Variants in ZIM2 observed in about 807,000 individuals in gnomAD.
ZIM2 encodes zinc finger protein 656.
Under a neutral mutation model 38.6 loss-of-function variants are expected in ZIM2, and 14 were observed. The ratio of observed to expected loss-of-function variants is 0.36; its 90% CI spans 0.24 to 0.57. ZIM2 has a LOEUF of 0.57. ZIM2 is among the 20% of genes least tolerant of loss of function. The pLI, the probability that ZIM2 is intolerant of heterozygous loss-of-function variation, is 0.81. For missense variants in ZIM2, 680 were observed against 695.1 expected, an observed-to-expected ratio of 0.98 and a Z score of 0.24; for synonymous variants, 247 against 245.8, an observed-to-expected ratio of 1.00 and a Z score of -0.04.
At chr19:56,821,486 G>A (rs750130978) in intron 7 of ZIM2, among the ~76,000 whole-genome samples, 165 bp downstream of exon 7, 46 of 152,296 alleles carry the variant, frequency 3.0e-4, no homozygotes, top group Middle Eastern at 3.4e-3. Context: ...AGCAACCTGG[G>A]CTACTTGTCA....
Position 56,774,914 on chromosome 19 carries a change from C to T in ZIM2, c.1451G>A (p.Arg484His), listed in dbSNP as rs186729168. ...GLSHSKTYLIRYQRKHDYVGE... is the reference protein window; with the variant it reads ...GLSHSKTYLIHYQRKHDYVGE... ...AACGTAGTCATGTTTCCGCTGATAA[C>T]GAATTAAGTATGTCTTGCTGTGGGA... Residue 484 changes from arginine to histidine, a missense_variant, in exon 13 of 13, where the codon CGT (arginine) becomes CAT (histidine). Transcript: ENST00000629319. 9.3e-6 allele frequency: 15 copies of T among 1,614,114 alleles called. No homozygotes were observed. The highest frequency in any genetic ancestry group is 8.9e-5 in the East Asian group (4 of 44,876).
intron 11 of ZIM2, among the ~76,000 whole-genome samples, chr19:56,781,272 A>T (rs960268402): frequency 2.0e-5 from 3 of 151,948 alleles, no homozygotes; most frequent in Non-Finnish European, 4.4e-5. Context: ...TTTTCAGGAG[A>T]CCTCAAGCCC....
chr19:56,814,212 C>T lies in ZIM2; in HGVS notation c.490+3534G>A, dbSNP rs749490635. The stretch of plus-strand genomic sequence containing the variant: ...TTGGCTCAGCAGCCTCCACTTCTGG[C>T]TCAGCAGCCTCCACTTCTGGCTCGG... On this transcript the variant is annotated intron_variant, in intron 9 of 12. Coordinates refer to ENST00000629319, the MANE Select transcript of ZIM2 (RefSeq NM_001387356.1). The surrounding 1 kb of genome is among the most constrained non-coding windows in gnomAD (Gnocchi z 5.8). The T allele has an allele frequency of 3.1e-5, 50 of 1,613,614 alleles. 1 individual carries two copies. Among genetic ancestry groups the T allele is most frequent in the South Asian group, 9.9e-5 (9 of 91,064 alleles).
chr19:56,781,759 T>G (rs189691315), intron 11 of ZIM2, among the ~76,000 whole-genome samples, 194 bp downstream of exon 11: 1 of 152,184 alleles, frequency 6.6e-6, no homozygotes, highest in Non-Finnish European at 1.5e-5. Flanking sequence ...CTGACACATA[T>G]GTCGTGCTCA....
At chr19:56,818,922 T>C (rs1166704223) in intron 7 of ZIM2, among the ~76,000 whole-genome samples, 1 of 152,238 alleles carries the variant, frequency 6.6e-6, no homozygotes, top group Non-Finnish European at 1.5e-5. Flanking sequence ...ATGACACATA[T>C]TCCTTGCCCT....
intron 9 of ZIM2, among the ~76,000 whole-genome samples, chr19:56,796,501 G>T (rs1277222700): frequency 2.6e-5 from 4 of 152,176 alleles, no homozygotes; most frequent in Non-Finnish European, 4.4e-5. Flanking sequence ...ACTGCTGCAG[G>T]TTGGCTCCAC....
intron 9 of ZIM2, among the ~76,000 whole-genome samples, chr19:56,805,903 T>C (rs1196867664): frequency 6.6e-6 from 1 of 152,342 alleles, no homozygotes; most frequent in South Asian, 2.1e-4. Context: ...AATTGGAATA[T>C]TGACAGATTT....
Position 56,789,860 on chromosome 19 carries a change from A to G in ZIM2, c.570+12T>C. ...ATATTTGATAACCATGTCAGAGGAA[A>G]GCCTGACTCACCTGGGACCCAGCAG... On this transcript the variant is annotated intron_variant, in intron 10 of 12. Coordinates refer to ENST00000629319, the MANE Select transcript of ZIM2 (RefSeq NM_001387356.1). The G allele has an allele frequency of 6.5e-7, 1 of 1,546,390 alleles. No homozygotes were observed. Among genetic ancestry groups the G allele is most frequent in the Non-Finnish European group, 8.8e-7 (1 of 1,134,766 alleles).
chr19:56,812,418 A>ATT (rs34297427), intron 9 of ZIM2: 808 of 849,734 alleles, frequency 9.5e-4, no homozygotes, highest in East Asian at 2.7e-3. Flanking sequence ...ACTGTAAAGA[A>ATT]TTTTTTTTTT....
intron 7 of ZIM2, among the ~76,000 whole-genome samples, chr19:56,820,668 A>C (rs1483244855): frequency 6.6e-6 from 1 of 152,138 alleles, no homozygotes; most frequent in Non-Finnish European, 1.5e-5. Context: ...CTTCAATCCA[A>C]ATCAAGGCCC....
chr19:56,823,158 T>C (rs2060663979), intron 5 of ZIM2, among the ~76,000 whole-genome samples: 1 of 152,164 alleles, frequency 6.6e-6, no homozygotes, highest in Non-Finnish European at 1.5e-5. Context: ...GAGAATGGAC[T>C]GCAGACCCCC....
chr19:56,800,924 G>C (rs1445518690), intron 9 of ZIM2, among the ~76,000 whole-genome samples: 1 of 150,634 alleles, frequency 6.6e-6, no homozygotes, highest in Non-Finnish European at 1.5e-5. Context: ...AAGGTTTCTT[G>C]ATGGTATTAC....
chr19:56,817,723 T>G (rs1200584778), intron 9 of ZIM2, 23 bp downstream of exon 9: 1 of 1,602,294 alleles, frequency 6.2e-7, no homozygotes, highest in East Asian at 2.2e-5. Flanking sequence ...GTGGCTCCTC[T>G]GTGGGATGTG....
chr19:56,810,932 A>G (rs749954743), intron 9 of ZIM2: 72 of 968,332 alleles, frequency 7.4e-5, no homozygotes, highest in Non-Finnish European at 8.7e-5. Flanking sequence ...ATTATAGGGA[A>G]CATTTGAAAA....
intron 2 of ZIM2, among the ~76,000 whole-genome samples, chr19:56,829,739 G>C (rs1417422697): frequency 2.6e-5 from 4 of 152,218 alleles, no homozygotes; most frequent in Non-Finnish European, 5.9e-5. Flanking sequence ...ACTAGCAGTG[G>C]GGCCAGATGC....
At chr19:56,832,024 C>T (rs2061613884) in intron 2 of ZIM2, among the ~76,000 whole-genome samples, 1 of 152,068 alleles carries the variant, frequency 6.6e-6, no homozygotes, top group African/African-American at 2.4e-5. Flanking sequence ...TACATACAAA[C>T]TAAACTGGAA....
At chr19:56,822,952 G>A in intron 5 of ZIM2, 116 bp from the exon 6 acceptor site, 1 of 1,369,428 alleles carries the variant, frequency 7.3e-7, no homozygotes, top group East Asian at 2.5e-5. Context: ...CAAGGAGATG[G>A]ATCCAAAACA....
chr19:56,821,533 G>A (rs1273902337), intron 7 of ZIM2, 118 bp downstream of exon 7: 1 of 1,257,732 alleles, frequency 8.0e-7, no homozygotes, highest in East Asian at 2.3e-5. Flanking sequence ...TGGAGCGCTG[G>A]GACTCTCACC....
intron 9 of ZIM2, chr19:56,813,772 T>G (rs761729777): frequency 1.9e-5 from 30 of 1,613,996 alleles, no homozygotes; most frequent in Middle Eastern, 1.6e-4. Flanking sequence ...ATCAGCTTGA[T>G]TGGCACCACC....
Sources: allele counts gnomAD v4.1 joint callset (sites outside exome capture counted in the v4.1 genomes callset), GRCh38; gene constraint gnomAD v4.1.1; non-coding constraint Gnocchi (gnomAD v3.1); transcripts MANE v1.5; gene names NCBI Gene and HGNC (gene_info 2026-07-23, HGNC 2026-07-21).